The following LINGO3 variants were observed in gnomAD, a reference collection of about 807,000 sequenced individuals.
The protein encoded by LINGO3 is leucine rich repeat and Ig domain containing 3.
For synonymous variants in LINGO3, 427 were observed against 444.2 expected (o/e 0.96, Z 0.49); for missense variants, 750 against 867.7 (o/e 0.86, Z 1.70).
At chr19:2,297,141 C>G in the LINGO3 span, among the ~76,000 whole-genome samples, 1 of 151,862 alleles carries the variant, frequency 6.6e-6, no homozygotes, top group Non-Finnish European at 1.5e-5. Flanking sequence ...CCACAGCTCT[C>G]AGGCGAGAAA....
Position 2,290,580 on chromosome 19 carries a change from G to T in LINGO3, c.1197C>A (p.Phe399Leu). 6.4e-7 allele frequency: 1 copy of T among 1,573,646 alleles called. No individual in the cohort carries two copies. Among genetic ancestry groups the T allele is most frequent in the Non-Finnish European group, 8.6e-7 (1 of 1,166,434 alleles). The stretch of plus-strand genomic sequence containing the variant: ...TGGGTTTGCGGCACACGAAGTACTC[G>T]AACAGCACGGAGTCCGGCAGGTTTC... The change falls in exon 1 of 1, where the codon TTC (phenylalanine) becomes TTA (leucine). Residue 399 changes from phenylalanine to leucine, a missense_variant. By Grantham distance (22) the Phe-to-Leu change is conservative. Transcript: ENST00000585527. This position sits in a 1 kb window ranked among gnomAD's most constrained non-coding sequence, Gnocchi z 6.0.
upstream of LINGO3, among the ~76,000 whole-genome samples, chr19:2,293,696 C>T (rs532196286): frequency 3.3e-5 from 5 of 152,002 alleles, no homozygotes; most frequent in Admixed American, 6.5e-5. Context: ...CAGGACAGGC[C>T]CATCCACAGA....
chr19:2,292,253 C>T (rs555887666), upstream of LINGO3, among the ~76,000 whole-genome samples: 143 of 150,676 alleles, frequency 9.5e-4, no homozygotes, highest in Admixed American at 1.5e-3. Flanking sequence ...AAAAGTTTAC[C>T]CAGGCATGGT....
In LINGO3 at chr19:2,290,139, G is replaced by C. The variant is rs748522630; in HGVS notation, c.1638C>G (p.Phe546Leu). The C allele has an allele frequency of 7.4e-6, 12 of 1,612,266 alleles. No individual in the cohort carries two copies. The South Asian group carries it at 1.2e-4, about 16-fold the overall frequency. The change falls in exon 1 of 1, where the codon TTC becomes TTG. Residue 546 changes from phenylalanine (F) to leucine (L), a missense_variant. Coordinates refer to ENST00000585527, the Ensembl canonical transcript of LINGO3. The surrounding 1 kb of genome is among the most constrained non-coding windows in gnomAD (Gnocchi z 6.0). ...CGCGGCTCCACACGAACAGCAGCAC[G>C]AAGCAGAAGAGGACCACGCCCAGGA...
At chr19:2,288,722 G>A (rs541515425), downstream of LINGO3, among the ~76,000 whole-genome samples, 6 of 152,214 alleles carry the variant, frequency 3.9e-5, no homozygotes, top group Non-Finnish European at 5.9e-5. The surrounding 1 kb of genome is among the most constrained non-coding windows in gnomAD (Gnocchi z 6.5). Flanking sequence ...ACCACCGTGT[G>A]TGCTGGGTCC....
the LINGO3 span, among the ~76,000 whole-genome samples, chr19:2,306,503 A>T: frequency 6.6e-6 from 1 of 152,160 alleles, no homozygotes; most frequent in African/African-American, 2.4e-5. Context: ...CCACTCAGCA[A>T]GGCACCTTCA....
the LINGO3 span, among the ~76,000 whole-genome samples, chr19:2,302,941 G>T: frequency 6.6e-6 from 1 of 152,236 alleles, no homozygotes; most frequent in Non-Finnish European, 1.5e-5. Flanking sequence ...TGCCGCGCGG[G>T]TGCTGGAGGC....
At chr19:2,291,848 C>G in exon 1 of LINGO3, 2 of 1,225,094 alleles carry the variant, frequency 1.6e-6, no homozygotes, top group Non-Finnish European at 2.3e-6. Context: ...GAGCGGGCAG[C>G]GTTAGCACCG....
At position 2,290,566 on chromosome 19, in the gene LINGO3, C is replaced by T. The variant is rs1262523448; in HGVS notation, c.1211G>A (p.Cys404Tyr). ...CCGCTCCCGGATCTTGGGTTTGCGG[C>T]ACACGAAGTACTCGAACAGCACGGA... Residue 404 changes from cysteine (C) to tyrosine (Y), a missense_variant, in exon 1 of 1, where the codon TGC becomes TAC. Cys to Tyr is a radical substitution (Grantham distance 194). Transcript: ENST00000585527. The surrounding 1 kb of genome is among the most constrained non-coding windows in gnomAD (Gnocchi z 6.0). The T allele has an allele frequency of 6.4e-7, 1 of 1,557,630 alleles. No homozygotes were observed. Among genetic ancestry groups the T allele is most frequent in the Non-Finnish European group, 8.6e-7 (1 of 1,158,616 alleles).
Position 2,291,860 on chromosome 19 carries a change from T to G in LINGO3, c.-84A>C, listed in dbSNP as rs1253507159. ...GGGGAGCGGGCAGCGTTAGCACCGT[T>G]AGCACCCCTCCGCGGCGCCTCTGCC... On this transcript the variant is annotated 5_prime_UTR_variant, in exon 1 of 1. Transcript: ENST00000585527. The G allele has an allele frequency of 2.2e-5, 27 of 1,225,468 alleles. No individual in the cohort carries two copies. In the South Asian group the frequency reaches 2.8e-4, roughly 13 times the overall value. 75.9% of individuals were successfully genotyped at this position (1,225,468 alleles called of 1,614,324 possible). A position where few individuals can be genotyped will look rare whatever the true frequency, so the allele number is the denominator to read the frequency against.
the LINGO3 span, among the ~76,000 whole-genome samples, chr19:2,307,955 T>TC: frequency 6.6e-6 from 1 of 151,008 alleles, no homozygotes; most frequent in African/African-American, 2.4e-5. Context: ...CGGGGCAATT[T>TC]CCCCCGGCTG....
the LINGO3 span, among the ~76,000 whole-genome samples, chr19:2,305,542 C>T: frequency 6.6e-6 from 1 of 152,144 alleles, no homozygotes; most frequent in African/African-American, 2.4e-5. Flanking sequence ...CTATTCTGAG[C>T]AGGGCTCTTC....
chr19:2,298,189 C>T, the LINGO3 span, among the ~76,000 whole-genome samples: 2 of 151,990 alleles, frequency 1.3e-5, no homozygotes, highest in African/African-American at 4.8e-5. Flanking sequence ...GGGCCTGGTC[C>T]ATTTTCTAAA....
exon 1 of LINGO3, chr19:2,291,111 G>C: frequency 1.2e-6 from 2 of 1,608,306 alleles, no homozygotes; most frequent in Non-Finnish European, 1.7e-6. Context: ...GCAGCAGCCC[G>C]GGCAGCCTGC....
exon 1 of LINGO3, chr19:2,291,459 G>A: frequency 6.2e-7 from 1 of 1,612,966 alleles, no homozygotes; most frequent in Non-Finnish European, 8.5e-7. Flanking sequence ...GGAGACGCAG[G>A]ACGCGCAGGC....
In LINGO3 at chr19:2,290,058, A is replaced by G; in HGVS notation, c.1719T>C (p.Asp573=). Residue 573 remains aspartate, a synonymous_variant, in exon 1 of 1, where the codon GAT becomes GAC. Coordinates refer to ENST00000585527, the Ensembl canonical transcript of LINGO3. This position sits in a 1 kb window ranked among gnomAD's most constrained non-coding sequence, Gnocchi z 6.0. ...CCTGGCCCGCCGCGGCGGCCGGCCC[A>G]TCCACCTTGCGGAAGGAGTACTCCA... is the stretch of plus-strand genomic sequence containing the variant. 6.4e-7 allele frequency: 1 copy of G among 1,558,756 alleles called. No homozygotes were observed. The highest frequency in any genetic ancestry group is 1.4e-5 in the African/African-American group (1 of 73,088).
Position 2,290,427 on chromosome 19 carries a change from C to A in LINGO3, c.1350G>T (p.Thr450=), listed in dbSNP as rs2025506940. ...CGCGCGCCCGGCCCGCGCTGGTGGC[C>A]GTCACCGGCCGGTGCTGGGGGGTCA... Residue 450 remains threonine (T), a synonymous_variant, in exon 1 of 1, where the codon ACG becomes ACT. Coordinates refer to ENST00000585527, the Ensembl canonical transcript of LINGO3. This position sits in a 1 kb window ranked among gnomAD's most constrained non-coding sequence, Gnocchi z 6.0. The A allele has an allele frequency of 1.4e-6, 2 of 1,413,340 alleles. No individual in the cohort carries two copies. The highest frequency in any genetic ancestry group is 9.2e-7 in the Non-Finnish European group (1 of 1,092,572). 87.5% of individuals were successfully genotyped at this position (1,413,340 alleles called of 1,614,324 possible).
At chr19:2,295,547 C>T (rs557051707), upstream of LINGO3, among the ~76,000 whole-genome samples, 1 of 152,102 alleles carries the variant, frequency 6.6e-6, no homozygotes, top group Non-Finnish European at 1.5e-5. Context: ...GCAGCCTAAG[C>T]AACATGGAGA....
At position 2,291,833 on chromosome 19, in the gene LINGO3, G is replaced by T; in HGVS notation, c.-57C>A. 1 of 1,409,654 alleles carries T rather than the reference G, an allele frequency of 7.1e-7. No homozygotes were observed. Among genetic ancestry groups the T allele is most frequent in the Non-Finnish European group, 9.5e-7 (1 of 1,052,748 alleles). The allele number at this position is 1,409,654 out of a possible 1,614,324, so 87.3% of individuals were successfully genotyped here. A position where few individuals can be genotyped will look rare whatever the true frequency, so the allele number is the denominator to read the frequency against. ...CATCCTCCTGCGCACCTGCGGGCGG[G>T]CGGGGAGCGGGCAGCGTTAGCACCG... On this transcript the variant is annotated 5_prime_UTR_variant, in exon 1 of 1. Coordinates refer to ENST00000585527, the Ensembl canonical transcript of LINGO3.
Sources: gnomAD v4.1 joint callset for allele counts (sites outside exome capture counted in the v4.1 genomes callset) on GRCh38, gnomAD v4.1.1 for gene constraint, Gnocchi (gnomAD v3.1) non-coding constraint, MANE v1.5 for transcripts, NCBI Gene and HGNC (gene_info 2026-07-23, HGNC 2026-07-21) for gene names.